The following CACNA1H variants were observed in gnomAD, a reference collection of about 807,000 sequenced individuals.
The protein encoded by CACNA1H is calcium voltage-gated channel subunit alpha1 H, also known as voltage-dependent T-type calcium channel subunit alpha-1H.
A neutral mutation model predicts 192.5 loss-of-function variants in CACNA1H; 149 were observed. The observed-to-expected ratio is 0.77, with a 90% CI of 0.68 to 0.89. The LOEUF (loss-of-function observed/expected upper bound fraction) is 0.89, where lower values mean the gene tolerates loss of function less well. Among genes scored for constraint, CACNA1H ranks in the 40% least tolerant of loss-of-function variants. The probability of loss-of-function intolerance (pLI) is 0.00; values close to 1 mark genes in which losing one functional copy is unlikely to be tolerated. For synonymous variants in CACNA1H, 2,202 were observed against 1,475.2 expected (o/e 1.49, Z -11.29); for missense variants, 4,257 against 3,423.5 (o/e 1.24, Z -6.08).
rs760833834 is a variant in CACNA1H, at chr16:1,211,651, C to T, written c.4476+45C>T. On this transcript the variant is annotated intron_variant, in intron 23 of 34. Transcript: ENST00000348261. ...GGGAGCTGGGGGTCTCCAGGACACC[C>T]TGGAGCGAGAGGGCCGGCGACCCCA... is the stretch of plus-strand genomic sequence containing the variant. The T allele has an allele frequency of 9.3e-6, 15 of 1,609,774 alleles. No individual in the cohort carries two copies. In the Admixed American group the frequency reaches 1.2e-4, roughly 13 times the overall value.
intron 2 of CACNA1H, among the ~76,000 whole-genome samples, chr16:1,172,721 G>A (rs1015085199): frequency 2.0e-5 from 3 of 152,208 alleles, no homozygotes; most frequent in South Asian, 2.1e-4. Flanking sequence ...GAGGTGCATG[G>A]GGTGAGCTGG....
intron 26 of CACNA1H, 76 bp downstream of exon 26, chr16:1,212,604 T>C: frequency 5.2e-6 from 8 of 1,539,536 alleles, no homozygotes; most frequent in Non-Finnish European, 7.0e-6. Flanking sequence ...ATCCCAGGCC[T>C]GCTGGGGTCC....
chr16:1,210,353 C>CCCCCCCCCCCCCCCCCAG lies in CACNA1H; in HGVS notation c.3846-17_3846-16insCCCCCCCCCCCCCCCCAG. ...ACGCCGCCCCGCCCCACCTCTCACC[C>CCCCCCCCCCCCCCCCCAG]GCCCCCGCCCACCCAGGTTCCGCGT... is the stretch of plus-strand genomic sequence containing the variant. On this transcript the variant is annotated splice_polypyrimidine_tract_variant and intron_variant, in intron 18 of 34. Transcript: ENST00000348261. 1 of 1,276,660 alleles carries CCCCCCCCCCCCCCCCCAG rather than the reference C, an allele frequency of 7.8e-7. No homozygotes were observed. The highest frequency in any genetic ancestry group is 1.1e-6 in the Non-Finnish European group (1 of 929,080). 79.1% of individuals were successfully genotyped at this position (1,276,660 alleles called of 1,614,324 possible). A position where few individuals can be genotyped will look rare whatever the true frequency, so the allele number is the denominator to read the frequency against.
intron 28 of CACNA1H, 77 bp downstream of exon 28, chr16:1,215,158 C>T: frequency 2.5e-6 from 4 of 1,580,326 alleles, no homozygotes; most frequent in South Asian, 2.3e-5. Context: ...AGGCCGCAGG[C>T]TTTCCCACGG....
At chr16:1,198,861 C>A in intron 6 of CACNA1H, 87 bp downstream of exon 6, 1 of 1,332,860 alleles carries the variant, frequency 7.5e-7, no homozygotes, top group Non-Finnish European at 1.0e-6. Context: ...CACCGCCCCA[C>A]GTGGCTCTGC....
Position 1,201,528 on chromosome 16 carries a change from C to T in CACNA1H, c.1213-135C>T, listed in dbSNP as rs138505722. Reference sequence around the variant, plus strand: ...GCTCAGCACTGAACACCGCAGCAGCCTGCCCATAGCAGGGCACCTCGCCCA... The same window carrying T: ...GCTCAGCACTGAACACCGCAGCAGCTTGCCCATAGCAGGGCACCTCGCCCA... On this transcript the variant is annotated intron_variant, in intron 8 of 34. Transcript: ENST00000348261. 586 of 1,069,086 alleles carry T rather than the reference C, an allele frequency of 5.5e-4. 13 individuals carry two copies. In the East Asian group the frequency reaches 0.015, roughly 27 times the overall value. The allele number at this position is 1,069,086 out of a possible 1,614,324, so 66.2% of individuals were successfully genotyped here.
At chr16:1,189,942 G>A (rs890332810) in intron 2 of CACNA1H, among the ~76,000 whole-genome samples, 1 of 152,244 alleles carries the variant, frequency 6.6e-6, no homozygotes, top group African/African-American at 2.4e-5. Context: ...AGACTCCAGG[G>A]GCTGGAGAAG....
chr16:1,154,117 T>C, intron 2 of CACNA1H, 81 bp downstream of exon 2: 1 of 1,048,156 alleles, frequency 9.5e-7, no homozygotes, highest in South Asian at 3.0e-5. Context: ...TCCCTCGGCA[T>C]GCGCCCCCGC....
chr16:1,183,968 G>T (rs746333623), intron 2 of CACNA1H, among the ~76,000 whole-genome samples: 1 of 152,238 alleles, frequency 6.6e-6, no homozygotes, highest in Non-Finnish European at 1.5e-5. Flanking sequence ...GGGAAGGTGC[G>T]TCTGCCTCGG....
intron 2 of CACNA1H, among the ~76,000 whole-genome samples, chr16:1,170,080 C>T (rs762740452): frequency 1.3e-5 from 2 of 152,248 alleles, no homozygotes; most frequent in Non-Finnish European, 2.9e-5. Context: ...CTCTCCAGGG[C>T]GGCCTCCCGG....
In CACNA1H at chr16:1,220,454, G is replaced by T; in HGVS notation, c.6522G>T (p.Glu2174Asp). Residue 2174 changes from glutamate (E) to aspartate (D), a missense_variant, in exon 35 of 35, where the codon GAG becomes GAT. Physicochemically the swap from Glu to Asp is conservative, Grantham distance 45 (BLOSUM62 2). Coordinates refer to ENST00000348261, the MANE Select transcript of CACNA1H (RefSeq NM_021098.3). ...GGGAGGCGAAGGCCTGGGGCCCTGA[G>T]GCCGAGCCCGCTCTGGGTGCGCGCA... ...EPGEAKAWGP[E>D]AEPALGARRK... 6.5e-7 allele frequency: 1 copy of T among 1,543,242 alleles called. No individual in the cohort carries two copies. Among genetic ancestry groups the T allele is most frequent in the Non-Finnish European group, 8.7e-7 (1 of 1,153,650 alleles).
At chr16:1,185,067 C>T (rs189745471) in intron 2 of CACNA1H, among the ~76,000 whole-genome samples, 36 of 152,216 alleles carry the variant, frequency 2.4e-4, no homozygotes, top group Admixed American at 2.6e-4. Context: ...GTCTCTACCC[C>T]GCTTTGTCTC....
intron 31 of CACNA1H, among the ~76,000 whole-genome samples, chr16:1,217,618 C>T (rs750900007): frequency 3.9e-5 from 6 of 152,230 alleles, no homozygotes; most frequent in African/African-American, 1.4e-4. Flanking sequence ...GGTCAGCCGG[C>T]GCCTACTCAT....
rs746597383 is a variant in CACNA1H, at chr16:1,209,078, CCTGGAGCAGCCGGCGCTCCAG to C, written c.3422_3442del (p.Arg1141_Ser1147del). On this transcript the variant is annotated inframe_deletion, in exon 17 of 35. Transcript: ENST00000348261. The stretch of plus-strand genomic sequence containing the variant: ...TGTGCCCCCTGGGGCCCCAGTGGCG[CCTGGAGCAGCCGGCGCTCCAG>C]CTGGAGCAGCCTGGGCCGTGCCCCC... The C allele has an allele frequency of 8.2e-5, 126 of 1,545,100 alleles. 1 individual carries two copies. Among genetic ancestry groups the C allele is most frequent in the Middle Eastern group, 3.5e-4 (2 of 5,792 alleles).
In CACNA1H at chr16:1,194,369, G is replaced by C. The variant is rs113428097; in HGVS notation, c.300-603G>C. Among the ~76,000 whole-genome samples the C allele has an allele frequency of 1.5e-3, 232 of 152,304 alleles. 2 individuals are homozygous for C. Among genetic ancestry groups the C allele is most frequent in the African/African-American group, 5.1e-3 (210 of 41,554 alleles). ...CCTCCTGGGTCCACAGTCAGCTGAC[G>C]GATTGCCTCTCCCTCCTTCCTCTGG... On this transcript the variant is annotated intron_variant, in intron 2 of 34. Transcript: ENST00000348261.
chr16:1,195,868 C>A, intron 4 of CACNA1H, 58 bp from the exon 5 acceptor site: 1 of 1,356,694 alleles, frequency 7.4e-7, no homozygotes, highest in Non-Finnish European at 1.1e-6. Flanking sequence ...GCACCCCAGC[C>A]CCACCCTGGA....
At position 1,200,248 on chromosome 16, in the gene CACNA1H, A is replaced by G. The variant is rs367708036; in HGVS notation, c.804-8A>G. On this transcript the variant is annotated splice_region_variant and splice_polypyrimidine_tract_variant and intron_variant, in intron 6 of 34. Coordinates refer to ENST00000348261, the MANE Select transcript of CACNA1H (RefSeq NM_021098.3). ...GTACCTTTTGGCCCTGGCTGTGCCC[A>G]TCCCCAGGAACAACAACCTGACCTT... is the stretch of plus-strand genomic sequence containing the variant. The G allele has an allele frequency of 1.2e-4, 184 of 1,588,940 alleles. No individual in the cohort carries two copies. The African/African-American group carries it at 1.9e-3, about 16-fold the overall frequency.
At chr16:1,164,839 T>C (rs1404562722) in intron 2 of CACNA1H, among the ~76,000 whole-genome samples, 1 of 152,114 alleles carries the variant, frequency 6.6e-6, no homozygotes, top group Non-Finnish European at 1.5e-5. Flanking sequence ...TCCACAGCCC[T>C]GGGGTCTGGA....
intron 2 of CACNA1H, among the ~76,000 whole-genome samples, chr16:1,177,064 C>T (rs573926697): frequency 2.6e-5 from 4 of 152,186 alleles, no homozygotes; most frequent in Non-Finnish European, 5.9e-5. Flanking sequence ...TTCTCTGAAC[C>T]CTACACTGAA....
Sources: allele counts gnomAD v4.1 joint callset (sites outside exome capture counted in the v4.1 genomes callset), GRCh38; gene constraint gnomAD v4.1.1; transcripts MANE v1.5; gene names NCBI Gene and HGNC (gene_info 2026-07-23, HGNC 2026-07-21).